The following ARMH4 variants were observed in gnomAD, a reference collection of about 807,000 sequenced individuals.
The protein encoded by ARMH4 is armadillo like helical domain containing 4, also known as armadillo-like helical domain-containing protein 4.
ARMH4 carries 49 observed loss-of-function variants against 61.9 expected under a neutral mutation model. The observed-to-expected ratio is 0.79, with a 90% CI of 0.63 to 1.00. The LOEUF is 1.00. Among genes scored for constraint, ARMH4 ranks in the 50% least tolerant of loss-of-function variants. ARMH4 has a pLI of 0.00. For synonymous variants in ARMH4, 368 were observed against 341.5 expected (o/e 1.08, Z -0.85); for missense variants, 934 against 930.0 (o/e 1.00, Z -0.06).
Position 58,004,796 on chromosome 14 carries a change from T to C in ARMH4, c.2265A>G (p.Glu755=). The C allele has an allele frequency of 6.2e-7, 1 of 1,610,870 alleles. No homozygotes were observed. The highest frequency in any genetic ancestry group is 1.1e-5 in the South Asian group (1 of 90,980). ...GFKRHKRKQR[E]FNSMQDRVML... is the part of the protein sequence containing the mutation. ...TTACTCGATCTTGCATGCTGTTGAA[T>C]TCTCTCTGCTAGAGAAAGAAAACAG... is the stretch of plus-strand genomic sequence containing the variant. Residue 755 remains glutamate, a synonymous_variant, in exon 8 of 8, where the codon GAA becomes GAG. Coordinates refer to ENST00000267485, the MANE Select transcript of ARMH4 (RefSeq NM_001001872.4).
intron 4 of ARMH4, among the ~76,000 whole-genome samples, chr14:58,103,717 G>C (rs1886078130): frequency 6.6e-6 from 1 of 151,924 alleles, no homozygotes; most frequent in African/African-American, 2.4e-5. Flanking sequence ...GCCTCCCAAA[G>C]TACTGGATTA....
chr14:58,095,664 T>C (rs1368298901), intron 5 of ARMH4, among the ~76,000 whole-genome samples: 1 of 152,188 alleles, frequency 6.6e-6, no homozygotes, highest in African/African-American at 2.4e-5. Flanking sequence ...CTATCTTCTC[T>C]CCTTCCTATA....
At chr14:58,054,880 AAAAAAT>A (rs1460956899) in intron 5 of ARMH4, among the ~76,000 whole-genome samples, 4 of 104,744 alleles carry the variant, frequency 3.8e-5, no homozygotes, top group African/African-American at 1.6e-4. Context: ...AAAAAAAAAA[AAAAAAT>A]AATAATAATA....
chr14:58,043,550 A>G (rs1883807441), intron 5 of ARMH4, among the ~76,000 whole-genome samples: 1 of 152,218 alleles, frequency 6.6e-6, no homozygotes, highest in Non-Finnish European at 1.5e-5. Context: ...GGCACAAGAC[A>G]GGGATGTCCT....
chr14:58,023,924 C>A (rs1882933144), intron 5 of ARMH4, among the ~76,000 whole-genome samples: 1 of 152,132 alleles, frequency 6.6e-6, no homozygotes, highest in Non-Finnish European at 1.5e-5. Context: ...GAGAGTAGGT[C>A]TCAACAGTGG....
chr14:58,107,970 A>G (rs1886220962), intron 4 of ARMH4, among the ~76,000 whole-genome samples: 1 of 152,160 alleles, frequency 6.6e-6, no homozygotes, highest in Admixed American at 6.5e-5. Context: ...GGGAACTCTT[A>G]TGCCAATAAC....
chr14:58,075,046 T>C (rs1885001843), intron 5 of ARMH4, among the ~76,000 whole-genome samples: 1 of 152,190 alleles, frequency 6.6e-6, no homozygotes, highest in African/African-American at 2.4e-5. Context: ...AAAACTGCAT[T>C]GAGATACCAT....
chr14:58,141,192 GT>G (rs1887537599), intron 1 of ARMH4: 1 of 261,464 alleles, frequency 3.8e-6, no homozygotes, highest in African/African-American at 2.3e-5. Flanking sequence ...ACTTTTAAGA[GT>G]TTTTTAAAGT....
intron 5 of ARMH4, among the ~76,000 whole-genome samples, chr14:58,091,305 G>C (rs1442088505): frequency 6.6e-6 from 1 of 152,120 alleles, no homozygotes; most frequent in Non-Finnish European, 1.5e-5. Flanking sequence ...AATTGTTCCA[G>C]CCATTGCAAC....
At chr14:58,057,005 C>T (rs1291641020) in intron 5 of ARMH4, among the ~76,000 whole-genome samples, 1 of 152,128 alleles carries the variant, frequency 6.6e-6, no homozygotes, top group Admixed American at 6.6e-5. Context: ...TCAACAATGC[C>T]CTACTAGGTG....
At chr14:58,009,320 G>T (rs1353195326) in intron 6 of ARMH4, among the ~76,000 whole-genome samples, 1 of 152,212 alleles carries the variant, frequency 6.6e-6, no homozygotes, top group South Asian at 2.1e-4. Flanking sequence ...AAAGAAAGGG[G>T]TGTCATTAGC....
rs759774886 is a variant in ARMH4, at chr14:58,012,081, C to T, written c.2121+38G>A. On this transcript the variant is annotated intron_variant, in intron 6 of 7. Coordinates refer to ENST00000267485, the MANE Select transcript of ARMH4 (RefSeq NM_001001872.4). ...CTTTTGCTTAATAAAGCTATATGCC[C>T]CTAAAAATAAACCAATGGAAGAAAA... 2.1e-6 allele frequency: 3 copies of T among 1,408,628 alleles called. No individual in the cohort carries two copies. In the South Asian group the frequency reaches 3.8e-5, roughly 18 times the overall value. The allele number at this position is 1,408,628 out of a possible 1,614,324, so 87.3% of individuals were successfully genotyped here. A position where few individuals can be genotyped will look rare whatever the true frequency, so the allele number is the denominator to read the frequency against.
At chr14:58,133,699 T>C (rs542203669) in intron 2 of ARMH4, among the ~76,000 whole-genome samples, 5 of 152,330 alleles carry the variant, frequency 3.3e-5, no homozygotes, top group African/African-American at 1.2e-4. Context: ...ACTCAAAAAC[T>C]CTCAGAAACA....
chr14:58,005,508 G>C (rs1302530160), intron 6 of ARMH4, among the ~76,000 whole-genome samples: 2 of 152,174 alleles, frequency 1.3e-5, no homozygotes, highest in East Asian at 3.9e-4. Context: ...AAAGATGGAT[G>C]AAGTAAGCCT....
chr14:58,141,946 C>T (rs1887574693), intron 1 of ARMH4, among the ~76,000 whole-genome samples: 1 of 151,698 alleles, frequency 6.6e-6, no homozygotes, highest in African/African-American at 2.4e-5. Context: ...TATTGAATAC[C>T]CATTATTATA....
chr14:58,073,701 T>C (rs1884958171), intron 5 of ARMH4, among the ~76,000 whole-genome samples: 1 of 152,214 alleles, frequency 6.6e-6, no homozygotes, highest in East Asian at 1.9e-4. Flanking sequence ...ACTAGCTCAA[T>C]GGAGTTCTTT....
intron 4 of ARMH4, among the ~76,000 whole-genome samples, chr14:58,115,555 A>G (rs1388570088): frequency 2.6e-5 from 4 of 152,226 alleles, no homozygotes; most frequent in African/African-American, 7.2e-5. Flanking sequence ...CATTTGATTC[A>G]GCAATCCCAT....
At chr14:58,039,861 C>T (rs1883625021) in intron 5 of ARMH4, among the ~76,000 whole-genome samples, 1 of 152,084 alleles carries the variant, frequency 6.6e-6, no homozygotes, top group Admixed American at 6.6e-5. Flanking sequence ...AGCAATGATG[C>T]TGAAAAAATC....
At chr14:58,017,729 T>C (rs942479046) in intron 5 of ARMH4, among the ~76,000 whole-genome samples, 2 of 152,142 alleles carry the variant, frequency 1.3e-5, no homozygotes, top group African/African-American at 4.8e-5. Context: ...TTCAATGCAA[T>C]CTCTACCAAA....
Sources: gnomAD v4.1 joint callset for allele counts (sites outside exome capture counted in the v4.1 genomes callset) on GRCh38, gnomAD v4.1.1 for gene constraint, MANE v1.5 for transcripts, NCBI Gene and HGNC (gene_info 2026-07-23, HGNC 2026-07-21) for gene names.